AGPAT5: variants seen among roughly 807,000 people sequenced by gnomAD.
The protein encoded by AGPAT5 is 1-acylglycerol-3-phosphate O-acyltransferase 5.
Under a neutral mutation model 45.6 loss-of-function variants are expected in AGPAT5, and 46 were observed. That is an observed-to-expected ratio of 1.01 (90% confidence interval 0.80 to 1.29). The LOEUF is 1.29. Ranked by LOEUF, AGPAT5 falls within the 50% of genes most tolerant of loss-of-function variation. The pLI is 0.00. For synonymous variants in AGPAT5, 272 were observed against 167.0 expected, an observed-to-expected ratio of 1.63 and a Z score of -4.85; for missense variants, 673 against 450.7, an observed-to-expected ratio of 1.49 and a Z score of -4.47.
chr8:6,733,387 G>A (rs1030829001), intron 4 of AGPAT5, among the ~76,000 whole-genome samples: 30 of 152,188 alleles, frequency 2.0e-4, no homozygotes, highest in African/African-American at 7.2e-4. Context: ...GGCAGCAGCT[G>A]GAGCTCATGG....
At chr8:6,747,451 G>A (rs1020183048) in intron 5 of AGPAT5, among the ~76,000 whole-genome samples, 4 of 152,224 alleles carry the variant, frequency 2.6e-5, no homozygotes, top group African/African-American at 9.6e-5. Context: ...ACTTGTACAT[G>A]TAGATATTTG....
chr8:6,736,105 G>GA (rs1224837319), intron 4 of AGPAT5, among the ~76,000 whole-genome samples: 3 of 152,138 alleles, frequency 2.0e-5, no homozygotes, highest in African/African-American at 7.2e-5. Flanking sequence ...GCCCGCCTCG[G>GA]CCCCCCACAG....
intron 6 of AGPAT5, 118 bp downstream of exon 6, chr8:6,747,946 C>G: frequency 9.7e-7 from 1 of 1,029,500 alleles, no homozygotes; most frequent in Non-Finnish European, 1.4e-6. Flanking sequence ...TACATTTACC[C>G]GGTATATTTT....
chr8:6,732,472 CTT>C (rs1415148023), intron 3 of AGPAT5, 87 bp from the exon 4 acceptor site: 1 of 911,444 alleles, frequency 1.1e-6, no homozygotes, highest in Non-Finnish European at 1.6e-6. Flanking sequence ...TCATTCTGTA[CTT>C]TTTGCAAGAG....
intron 2 of AGPAT5, among the ~76,000 whole-genome samples, chr8:6,729,552 G>T (rs1003560691): frequency 2.0e-5 from 3 of 152,062 alleles, no homozygotes; most frequent in Non-Finnish European, 4.4e-5. Flanking sequence ...GAGATAGTTT[G>T]TAGCCATTTA....
At chr8:6,731,678 A>C (rs1412543626) in intron 3 of AGPAT5, among the ~76,000 whole-genome samples, 1 of 152,196 alleles carries the variant, frequency 6.6e-6, no homozygotes, top group Non-Finnish European at 1.5e-5. Context: ...AGGAAATTTA[A>C]AGGCATAGAA....
At chr8:6,756,526 G>A (rs1377860208) in intron 7 of AGPAT5, among the ~76,000 whole-genome samples, 1 of 151,136 alleles carries the variant, frequency 6.6e-6, no homozygotes, top group Non-Finnish European at 1.5e-5. Context: ...GCCGAGGTGC[G>A]AGGATCACCT....
At chr8:6,755,379 A>G (rs950585415) in intron 7 of AGPAT5, among the ~76,000 whole-genome samples, 1 of 152,238 alleles carries the variant, frequency 6.6e-6, no homozygotes, top group African/African-American at 2.4e-5. Flanking sequence ...GGGCCCATCT[A>G]CTTGCATTGA....
At position 6,760,575 on chromosome 8, in the gene AGPAT5, T is replaced by C. The variant is rs1802004065; in HGVS notation, c.*3187T>C. 6.6e-6 allele frequency among the ~76,000 whole-genome samples: 1 copy of C among 152,212 alleles called. No individual in the cohort carries two copies. ...AATTTTAACCTTAATTTGTTTTTAGTAGTGTTTAGATTGAAGATTGAGTGA... is the reference window on the plus strand; with the variant it reads ...AATTTTAACCTTAATTTGTTTTTAGCAGTGTTTAGATTGAAGATTGAGTGA... On this transcript the variant is annotated 3_prime_UTR_variant, in exon 8 of 8. Transcript: ENST00000285518.
chr8:6,734,284 C>G (rs1366502307), intron 4 of AGPAT5, among the ~76,000 whole-genome samples: 1 of 149,354 alleles, frequency 6.7e-6, no homozygotes, highest in Non-Finnish European at 1.5e-5. Context: ...TTTTTTTACG[C>G]CCCCTCCCTT....
chr8:6,716,246 C>G (rs2116858074), intron 1 of AGPAT5, among the ~76,000 whole-genome samples: 1 of 152,282 alleles, frequency 6.6e-6, no homozygotes, highest in South Asian at 2.1e-4. Flanking sequence ...CTTGATTTTA[C>G]TTTTTCTTTT....
chr8:6,724,041 A>G (rs1800595179), intron 1 of AGPAT5, among the ~76,000 whole-genome samples: 1 of 152,216 alleles, frequency 6.6e-6, no homozygotes, highest in Admixed American at 6.5e-5. Flanking sequence ...GTATACTCCC[A>G]GTTTCTTGAA....
chr8:6,711,871 A>G (rs1800166788), intron 1 of AGPAT5, among the ~76,000 whole-genome samples: 1 of 152,156 alleles, frequency 6.6e-6, no homozygotes, highest in Non-Finnish European at 1.5e-5. Flanking sequence ...TTTCTCTTAG[A>G]AGGATGCTTG....
Position 6,760,784 on chromosome 8 carries a change from C to G in AGPAT5, c.*3396C>G, listed in dbSNP as rs760143347. On this transcript the variant is annotated 3_prime_UTR_variant, in exon 8 of 8. Transcript: ENST00000285518. ...TTACGTTATCACTTAGTATAATTGA[C>G]ATTATATAGAGACTATGTAACATGC... Among the ~76,000 whole-genome samples, 1 of 151,834 alleles carries G rather than the reference C, an allele frequency of 6.6e-6. No homozygotes were observed. Among genetic ancestry groups the G allele is most frequent in the Non-Finnish European group, 1.5e-5 (1 of 68,024 alleles).
chr8:6,716,920 T>A (rs1257714396), intron 1 of AGPAT5, among the ~76,000 whole-genome samples: 1 of 152,212 alleles, frequency 6.6e-6, no homozygotes, highest in African/African-American at 2.4e-5. Context: ...GAAATGTATA[T>A]GAATCTCACT....
chr8:6,756,011 C>G (rs1801820638), intron 7 of AGPAT5, among the ~76,000 whole-genome samples: 1 of 152,138 alleles, frequency 6.6e-6, no homozygotes, highest in Admixed American at 6.5e-5. Context: ...TAATGTCCTA[C>G]TTATTTTATA....
At chr8:6,735,302 C>A (rs1186714400) in intron 4 of AGPAT5, among the ~76,000 whole-genome samples, 2 of 152,150 alleles carry the variant, frequency 1.3e-5, no homozygotes, top group Non-Finnish European at 2.9e-5. Context: ...CTGAGCCCTT[C>A]CCACAGGGCT....
intron 4 of AGPAT5, among the ~76,000 whole-genome samples, chr8:6,736,405 C>T (rs950188013): frequency 2.0e-5 from 3 of 152,056 alleles, no homozygotes; most frequent in Non-Finnish European, 4.4e-5. Context: ...TTTGTCAAAT[C>T]TGTTATTTTG....
intron 1 of AGPAT5, among the ~76,000 whole-genome samples, chr8:6,711,417 C>G (rs1274722016): frequency 2.6e-5 from 4 of 152,180 alleles, no homozygotes; most frequent in Non-Finnish European, 2.9e-5. Flanking sequence ...CCTTTTAGGT[C>G]CTTCCAGAAT....
Sources: gnomAD v4.1 joint callset for allele counts (sites outside exome capture counted in the v4.1 genomes callset) on GRCh38, gnomAD v4.1.1 for gene constraint, MANE v1.5 for transcripts, NCBI Gene and HGNC (gene_info 2026-07-23, HGNC 2026-07-21) for gene names.